RHOBTB1: variants seen among roughly 807,000 people sequenced by gnomAD.
RHOBTB1 encodes the protein rho-related BTB domain-containing protein 1.
RHOBTB1 carries 40 observed loss-of-function variants against 71.6 expected under a neutral mutation model. That is an observed-to-expected ratio of 0.56 (90% CI 0.43 to 0.73). The LOEUF is 0.73. Among genes scored for constraint, RHOBTB1 ranks in the 30% least tolerant of loss-of-function variants. The pLI, the probability that RHOBTB1 is intolerant of heterozygous loss-of-function variation, is 0.00. For missense variants in RHOBTB1, 797 were observed against 894.0 expected (o/e 0.89, Z 1.38); for synonymous variants, 319 against 334.9 (o/e 0.95, Z 0.52).
Position 60,889,090 on chromosome 10 carries a change from T to A in RHOBTB1, c.578A>T (p.Gln193Leu). 1 of 1,614,172 alleles carries A rather than the reference T, an allele frequency of 6.2e-7. No homozygotes were observed. The highest frequency in any genetic ancestry group is 8.5e-7 in the Non-Finnish European group (1 of 1,180,004). Residue 193 changes from glutamine to leucine, a missense_variant, in exon 6 of 11, where the codon CAG (glutamine) becomes CTG (leucine). Coordinates refer to ENST00000337910, the MANE Select transcript of RHOBTB1 (RefSeq NM_014836.5). ...GTCAAACACATCCTTGATACCAAAC[T>A]GGTCAAACACGCTTGTTTCATAGTA... ...LPYYETSVFD[Q>L]FGIKDVFDNA... is the part of the protein sequence containing the mutation.
In RHOBTB1 at chr10:60,888,588, T is replaced by G; in HGVS notation, c.1080A>C (p.Glu360Asp). 2 of 1,614,198 alleles carry G rather than the reference T, an allele frequency of 1.2e-6. No homozygotes were observed. The highest frequency in any genetic ancestry group is 1.7e-6 in the Non-Finnish European group (2 of 1,180,036). ...NKSLVEALGL[E>D]AEGAVPETQT... ...GTGTCTCAGGAACTGCACCCTCGGC[T>G]TCCAGCCCCAGAGCCTCCACCAGGC... Residue 360 changes from glutamate to aspartate, a missense_variant, in exon 6 of 11, where the codon GAA becomes GAC. Transcript: ENST00000337910.
intron 2 of RHOBTB1, among the ~76,000 whole-genome samples, chr10:60,974,503 T>C (rs774385920): frequency 6.6e-6 from 1 of 152,054 alleles, no homozygotes; most frequent in Non-Finnish European, 1.5e-5. Context: ...AAAATATACA[T>C]AGCTAAATGA....
chr10:60,958,467 G>T (rs1468997253), intron 2 of RHOBTB1, among the ~76,000 whole-genome samples: 1 of 152,070 alleles, frequency 6.6e-6, no homozygotes, highest in African/African-American at 2.4e-5. Context: ...GATCTATAGG[G>T]CAAAACTTGG....
intron 8 of RHOBTB1, among the ~76,000 whole-genome samples, chr10:60,876,277 A>G (rs2081049306): frequency 2.0e-5 from 3 of 152,230 alleles, no homozygotes; most frequent in African/African-American, 7.2e-5. Context: ...ACTATAAAGG[A>G]TTAAAGGAAT....
the RHOBTB1 span, among the ~76,000 whole-genome samples, chr10:60,863,805 T>C: frequency 0.25 from 38,658 of 152,086 alleles, 6,433 homozygotes; most frequent in African/African-American, 0.48. Flanking sequence ...AGTGCTGGAA[T>C]CACAGGCATG....
intron 1 of RHOBTB1, among the ~76,000 whole-genome samples, 162 bp from the exon 2 acceptor site, chr10:60,942,016 G>C (rs1322988472): frequency 2.0e-5 from 3 of 151,218 alleles, no homozygotes; most frequent in African/African-American, 4.9e-5. Flanking sequence ...GCATTTCTTT[G>C]GGTCAAATAC....
chr10:60,905,412 T>C (rs911419346), intron 4 of RHOBTB1, among the ~76,000 whole-genome samples: 2 of 121,436 alleles, frequency 1.6e-5, no homozygotes, highest in African/African-American at 6.8e-5. Context: ...ATCGCGCCAC[T>C]GCACACCAGC....
chr10:60,919,283 CAA>C (rs991221277), intron 2 of RHOBTB1, among the ~76,000 whole-genome samples: 59 of 152,184 alleles, frequency 3.9e-4, no homozygotes, highest in African/African-American at 1.4e-3. Context: ...TTAGTGTATT[CAA>C]AGAGTTAGCC....
chr10:60,896,572 G>T (rs1468083475), intron 4 of RHOBTB1, among the ~76,000 whole-genome samples: 1 of 152,180 alleles, frequency 6.6e-6, no homozygotes, highest in Non-Finnish European at 1.5e-5. Flanking sequence ...AATGTTTATT[G>T]TACTTACTTT....
At position 60,998,614 on chromosome 10, in the gene RHOBTB1, C is replaced by T. The variant is rs1170278228; in HGVS notation, c.-163+2785G>A. 3.3e-5 allele frequency among the ~76,000 whole-genome samples: 5 copies of T among 151,942 alleles called. No homozygotes were observed. The East Asian group carries it at 5.8e-4, about 18-fold the overall frequency. On this transcript the variant is annotated intron_variant, in intron 1 of 11. Coordinates refer to the RHOBTB1 transcript ENST00000357917. ...ACCTAAAGGAAGAAAAGAAGAAAAA[C>T]GGGAAGGAAGGGGGTGGAAAAAGGG...
chr10:60,968,820 C>T (rs1285345094), intron 2 of RHOBTB1, among the ~76,000 whole-genome samples: 3 of 151,982 alleles, frequency 2.0e-5, no homozygotes, highest in African/African-American at 7.2e-5. Flanking sequence ...ACAGGATGTT[C>T]GCCAAGGCAT....
intron 2 of RHOBTB1, among the ~76,000 whole-genome samples, chr10:60,952,044 C>T (rs544687529): frequency 8.6e-5 from 13 of 151,850 alleles, no homozygotes; most frequent in African/African-American, 2.4e-4. Context: ...GACAACAGAG[C>T]GAGACTCTGT....
At chr10:60,905,344 G>A (rs1288591291) in intron 4 of RHOBTB1, among the ~76,000 whole-genome samples, 1 of 150,768 alleles carries the variant, frequency 6.6e-6, no homozygotes, top group Non-Finnish European at 1.5e-5. Context: ...TAGCTACTTG[G>A]GAGGCTGAGG....
rs113653742 is a variant in RHOBTB1 at position 60,919,015 on chromosome 10, C to T, written c.-10-7463G>A. On this transcript the variant is annotated intron_variant, in intron 2 of 10. Transcript: ENST00000337910. ...CCCACCTCGGCCTCCCAAAGTGCTG[C>T]GATTACAGGCATGAGCCAACATGCC... Among the ~76,000 whole-genome samples the T allele has an allele frequency of 5.5e-3, 833 of 152,170 alleles. 13 individuals carry two copies. Among genetic ancestry groups the T allele is most frequent in the African/African-American group, 0.018 (758 of 41,538 alleles).
At chr10:60,961,287 G>C (rs180964913) in intron 2 of RHOBTB1, among the ~76,000 whole-genome samples, 19 of 152,222 alleles carry the variant, frequency 1.2e-4, no homozygotes, top group Admixed American at 1.2e-3. Flanking sequence ...TATGCCTAGA[G>C]CTGGACACAT....
intron 4 of RHOBTB1, among the ~76,000 whole-genome samples, chr10:60,899,029 A>G (rs1355157316): frequency 2.0e-5 from 3 of 152,224 alleles, no homozygotes; most frequent in Non-Finnish European, 4.4e-5. Flanking sequence ...CAAATATCAT[A>G]GGGGTTAATG....
intron 2 of RHOBTB1, among the ~76,000 whole-genome samples, chr10:60,923,406 T>C (rs145574316): frequency 3.3e-5 from 5 of 152,236 alleles, no homozygotes; most frequent in African/African-American, 4.8e-5. Flanking sequence ...CAAGTACAAA[T>C]GAAATATAAG....
intron 1 of RHOBTB1, among the ~76,000 whole-genome samples, chr10:60,994,217 C>T (rs2086967480): frequency 6.6e-6 from 1 of 152,098 alleles, no homozygotes; most frequent in African/African-American, 2.4e-5. Flanking sequence ...AGTAAACATG[C>T]AGGCTTGACC....
chr10:60,938,266 A>T (rs2084705130), intron 2 of RHOBTB1, among the ~76,000 whole-genome samples: 1 of 152,220 alleles, frequency 6.6e-6, no homozygotes, highest in Non-Finnish European at 1.5e-5. Context: ...GATGTATATC[A>T]TACTTGCTAG....
Sources: allele counts gnomAD v4.1 joint callset (sites outside exome capture counted in the v4.1 genomes callset), GRCh38; gene constraint gnomAD v4.1.1; transcripts MANE v1.5; gene names NCBI Gene and HGNC (gene_info 2026-07-23, HGNC 2026-07-21).